The following TMTC1 variants were observed in gnomAD, a reference collection of about 807,000 sequenced individuals.
The protein encoded by TMTC1 is protein O-mannosyl-transferase TMTC1.
Under a neutral mutation model 104.8 loss-of-function variants are expected in TMTC1, and 73 were observed. That is an observed-to-expected ratio of 0.70 (90% confidence interval 0.58 to 0.85). TMTC1 has a LOEUF of 0.85. Among genes scored for constraint, TMTC1 ranks in the 40% least tolerant of loss-of-function variants. TMTC1 has a pLI of 0.00. For synonymous variants in TMTC1, 434 were observed against 428.7 expected (o/e 1.01, Z -0.15); for missense variants, 1,035 against 1,096.1 (o/e 0.94, Z 0.79).
chr12:29,699,514 A>C (rs1328374668), intron 5 of TMTC1, among the ~76,000 whole-genome samples: 2 of 152,222 alleles, frequency 1.3e-5, no homozygotes, highest in Non-Finnish European at 2.9e-5. Flanking sequence ...CTCCAAATGT[A>C]ATTGATACAA....
chr12:29,661,545 C>T (rs184261869), intron 5 of TMTC1, among the ~76,000 whole-genome samples: 349 of 151,548 alleles, frequency 2.3e-3, no homozygotes, highest in African/African-American at 8.1e-3. Flanking sequence ...CCTCAGCCTC[C>T]CGAGTAGTTG....
chr12:29,755,661 C>A (rs1333078183), intron 4 of TMTC1, 48 bp downstream of exon 4: 2 of 1,519,086 alleles, frequency 1.3e-6, no homozygotes, highest in South Asian at 2.5e-5. Flanking sequence ...AGTAATTTTT[C>A]TCTGCCCATG....
intron 5 of TMTC1, among the ~76,000 whole-genome samples, chr12:29,681,099 C>CAAAAAAAA (rs71045827): frequency 3.7e-5 from 4 of 107,174 alleles, no homozygotes; most frequent in African/African-American, 7.6e-5. Context: ...ACCCTGTCTC[C>CAAAAAAAA]AAAAAAAAAA....
intron 5 of TMTC1, among the ~76,000 whole-genome samples, chr12:29,696,588 T>C (rs947322378): frequency 5.3e-5 from 8 of 152,204 alleles, no homozygotes; most frequent in African/African-American, 1.9e-4. Context: ...ATTGCTTACT[T>C]TCTTTTCTTA....
chr12:29,633,225 C>T lies in TMTC1; in HGVS notation c.1050G>A (p.Trp350Ter), dbSNP rs780662578. The T allele has an allele frequency of 4.3e-6, 7 of 1,613,846 alleles. No individual in the cohort carries two copies. The highest frequency in any genetic ancestry group is 5.1e-6 in the Non-Finnish European group (6 of 1,179,980). ...AGATGGTGGCTAAGTTCCGCATGTC[C>T]CATATGGTCTCTACCAGAGGAATAC... is the stretch of plus-strand genomic sequence containing the variant. The part of the protein sequence containing the change: ...VGSIPLVETI[W>*]DMRNLATIFL... The change falls in exon 6 of 18, where the codon TGG becomes TGA. Residue 350 changes from tryptophan to a stop codon, truncating the protein, a stop_gained. Transcript: ENST00000539277. LOFTEE classifies it high-confidence loss of function.
At chr12:29,601,342 A>T (rs891377664) in intron 7 of TMTC1, among the ~76,000 whole-genome samples, 15 of 152,158 alleles carry the variant, frequency 9.9e-5, no homozygotes, top group African/African-American at 3.6e-4. Context: ...TCAAATTTAA[A>T]TGTCTAGTTA....
At chr12:29,640,114 A>G (rs534369632) in intron 5 of TMTC1, among the ~76,000 whole-genome samples, 61 of 152,334 alleles carry the variant, frequency 4.0e-4, no homozygotes, top group African/African-American at 1.4e-3. Flanking sequence ...AGAGATAGTG[A>G]GACTATTTCC....
At position 29,587,530 on chromosome 12, in the gene TMTC1, C is replaced by T. The variant is rs12424383; in HGVS notation, c.1251-3956G>A. Among the ~76,000 whole-genome samples the T allele has an allele frequency of 9.4e-3, 1,437 of 152,138 alleles. 18 individuals carry two copies. Among genetic ancestry groups the T allele is most frequent in the South Asian group, 0.037 (176 of 4,816 alleles). ...GTATTTTTCTGTAGAGATGGGGTTTCGCTATGTTGCCCAGGCTGGTCTTGA... is the reference window on the plus strand; with the variant it reads ...GTATTTTTCTGTAGAGATGGGGTTTTGCTATGTTGCCCAGGCTGGTCTTGA... On this transcript the variant is annotated intron_variant, in intron 7 of 17. Transcript: ENST00000539277.
chr12:29,767,933 A>G lies in TMTC1; in HGVS notation c.445T>C (p.Leu149=). Reference sequence around the variant, plus strand: ...TGAATAGGATGTACAGCAAAAAGCAATGCCGTTACAAAAGCAAGTCCACGA... The same window carrying G: ...TGAATAGGATGTACAGCAAAAAGCAGTGCCGTTACAAAAGCAAGTCCACGA... ...KNRGLAFVTA[L]LFAVHPIHTE... The change falls in exon 2 of 18, where the codon TTG becomes CTG. Residue 149 remains leucine, a synonymous_variant. Transcript: ENST00000539277. 1 of 1,613,912 alleles carries G rather than the reference A, an allele frequency of 6.2e-7. No individual in the cohort carries two copies. Among genetic ancestry groups the G allele is most frequent in the Non-Finnish European group, 8.5e-7 (1 of 1,179,882 alleles).
chr12:29,506,115 A>G lies in TMTC1; in HGVS notation c.*731T>C, dbSNP rs1177259395. 6.6e-6 allele frequency: 1 copy of G among 152,180 alleles called. No homozygotes were observed. The highest frequency in any genetic ancestry group is 2.4e-5 in the African/African-American group (1 of 41,446). 9.4% of individuals were successfully genotyped at this position (152,180 alleles called of 1,614,324 possible). A position where few individuals can be genotyped will look rare whatever the true frequency, so the allele number is the denominator to read the frequency against. On this transcript the variant is annotated 3_prime_UTR_variant, in exon 18 of 18. Transcript: ENST00000539277. Reference sequence around the variant, plus strand: ...AATCTTAGAGTAGAACCACCACTCTAGTAATACTTGTAATAAAATTAAAAT... The same window carrying G: ...AATCTTAGAGTAGAACCACCACTCTGGTAATACTTGTAATAAAATTAAAAT...
intron 8 of TMTC1, among the ~76,000 whole-genome samples, chr12:29,574,285 G>T (rs159685): frequency 0.59 from 89,387 of 151,856 alleles, 27,373 homozygotes; most frequent in Non-Finnish European, 0.67. Flanking sequence ...TTACAAAAAG[G>T]ATCACTATAG....
chr12:29,557,009 T>C lies in TMTC1; in HGVS notation c.1533-9A>G, dbSNP rs371528436. ...CATGGCGTGGATACAACCTGAAAAG[T>C]TAAAAATATTAAGCTGTGATGGTTC... On this transcript the variant is annotated splice_polypyrimidine_tract_variant and intron_variant, in intron 9 of 17. Coordinates refer to ENST00000539277, the MANE Select transcript of TMTC1 (RefSeq NM_001193451.2). 3 of 1,613,260 alleles carry C rather than the reference T, an allele frequency of 1.9e-6. No homozygotes were observed. The African/African-American group carries it at 4.0e-5, about 22-fold the overall frequency.
intron 5 of TMTC1, among the ~76,000 whole-genome samples, chr12:29,715,691 A>C (rs1352279595): frequency 6.6e-6 from 1 of 152,144 alleles, no homozygotes; most frequent in Non-Finnish European, 1.5e-5. Context: ...TATAAAGAAA[A>C]GAGGTTTAAT....
intron 5 of TMTC1, among the ~76,000 whole-genome samples, chr12:29,721,049 A>T (rs977560447): frequency 5.9e-5 from 9 of 152,190 alleles, no homozygotes; most frequent in Non-Finnish European, 1.3e-4. Flanking sequence ...CCCTAAAAAA[A>T]TCTTCCAAAA....
intron 1 of TMTC1, among the ~76,000 whole-genome samples, chr12:29,774,797 A>G (rs1943671232): frequency 6.6e-6 from 1 of 152,232 alleles, no homozygotes; most frequent in African/African-American, 2.4e-5. Flanking sequence ...GGAATAAATC[A>G]GCAAATCATT....
intron 6 of TMTC1, among the ~76,000 whole-genome samples, chr12:29,612,435 G>T (rs532474367): frequency 3.6e-4 from 55 of 152,252 alleles, no homozygotes; most frequent in African/African-American, 8.9e-4. Context: ...TTGAGACAGG[G>T]TCTTGCTCTT....
intron 16 of TMTC1, among the ~76,000 whole-genome samples, chr12:29,513,063 G>A (rs889956776): frequency 6.6e-6 from 1 of 152,216 alleles, no homozygotes; most frequent in African/African-American, 2.4e-5. Flanking sequence ...CCAAAAGGGT[G>A]TGTCTCTTGG....
At chr12:29,570,390 G>T (rs888928218) in intron 9 of TMTC1, among the ~76,000 whole-genome samples, 12 of 152,082 alleles carry the variant, frequency 7.9e-5, no homozygotes, top group African/African-American at 2.9e-4. Flanking sequence ...TCCAATGAAA[G>T]AATAGAATTC....
At chr12:29,698,544 T>A (rs977344234) in intron 5 of TMTC1, among the ~76,000 whole-genome samples, 2 of 152,114 alleles carry the variant, frequency 1.3e-5, no homozygotes, top group East Asian at 1.9e-4. Flanking sequence ...AAATAAAGTG[T>A]CCCCCTTGGT....
Sources: gnomAD v4.1 joint callset for allele counts (sites outside exome capture counted in the v4.1 genomes callset) on GRCh38, gnomAD v4.1.1 for gene constraint, MANE v1.5 for transcripts, NCBI Gene and HGNC (gene_info 2026-07-23, HGNC 2026-07-21) for gene names.